Variants in DNAH14 observed in about 807,000 individuals in gnomAD.
DNAH14 encodes dynein axonemal heavy chain 14.
Under a neutral mutation model 520.9 loss-of-function variants are expected in DNAH14, and 478 were observed. The observed-to-expected ratio is 0.92, with a 90% CI of 0.85 to 0.99. The LOEUF is 0.99. DNAH14 is among the 50% of genes least tolerant of loss of function. The pLI, the probability that DNAH14 is intolerant of heterozygous loss-of-function variation, is 0.00. For missense variants in DNAH14, 4,831 were observed against 5,234.5 expected (o/e 0.92, Z 2.38); for synonymous variants, 1,581 against 1,757.2 (o/e 0.90, Z 2.51).
chr1:225,212,616 T>C (rs2088610867), intron 41 of DNAH14, among the ~76,000 whole-genome samples: 1 of 152,200 alleles, frequency 6.6e-6, no homozygotes, highest in Non-Finnish European at 1.5e-5. Context: ...TGTGAGGTGG[T>C]ATCTCATTGT....
intron 27 of DNAH14, among the ~76,000 whole-genome samples, chr1:225,127,119 T>C (rs552073274): frequency 6.6e-6 from 1 of 152,184 alleles, no homozygotes; most frequent in Non-Finnish European, 1.5e-5. Context: ...AGGAGAGCTT[T>C]ACTTCCAACT....
At chr1:224,934,286 A>G (rs2058886198) in intron 1 of DNAH14, among the ~76,000 whole-genome samples, 1 of 152,004 alleles carries the variant, frequency 6.6e-6, no homozygotes, top group African/African-American at 2.4e-5. Context: ...AATAAATCAG[A>G]AGAATAATTT....
At chr1:225,319,252 G>A (rs566263959) in intron 61 of DNAH14, among the ~76,000 whole-genome samples, 9 of 152,128 alleles carry the variant, frequency 5.9e-5, no homozygotes, top group Non-Finnish European at 1.2e-4. Context: ...TGATTGAAGA[G>A]AATACATAAG....
rs560017215 is a variant in DNAH14 at position 225,224,967 on chromosome 1, G to A, written c.6440-6106G>A. ...CAGCAATTGCTGGGTCAACGTACAC[G>A]TCCTATTTTTATCACACATATTGGA... On this transcript the variant is annotated intron_variant, in intron 41 of 85. Coordinates refer to ENST00000682510, the MANE Select transcript of DNAH14 (RefSeq NM_001367479.1). Among the ~76,000 whole-genome samples, 4 of 152,198 alleles carry A rather than the reference G, an allele frequency of 2.6e-5. No individual in the cohort carries two copies. The South Asian group carries it at 6.2e-4, about 24-fold the overall frequency.
At chr1:225,216,818 A>G (rs1231810250) in intron 41 of DNAH14, among the ~76,000 whole-genome samples, 1 of 152,130 alleles carries the variant, frequency 6.6e-6, no homozygotes, top group Non-Finnish European at 1.5e-5. Context: ...CAAGGTTTTT[A>G]GCTTCTTTGC....
chr1:225,296,194 C>T (rs1197464410), intron 55 of DNAH14, among the ~76,000 whole-genome samples: 1 of 151,946 alleles, frequency 6.6e-6, no homozygotes, highest in Non-Finnish European at 1.5e-5. Context: ...TCCATTCAGC[C>T]AGTCTTGTTT....
chr1:225,331,633 C>T, intron 65 of DNAH14, 56 bp downstream of exon 65: 1 of 1,545,906 alleles, frequency 6.5e-7, no homozygotes, highest in Non-Finnish European at 8.7e-7. Context: ...GCCCAACAAC[C>T]CCCAAGATGT....
chr1:225,062,999 G>T (rs1451756340), intron 17 of DNAH14, among the ~76,000 whole-genome samples: 2 of 151,076 alleles, frequency 1.3e-5, no homozygotes, highest in Non-Finnish European at 3.0e-5. Context: ...ACAACTAAGA[G>T]AAAAAAAATA....
intron 53 of DNAH14, 58 bp from the exon 54 acceptor site, chr1:225,277,352 T>A: frequency 2.3e-6 from 1 of 439,256 alleles, no homozygotes; most frequent in Non-Finnish European, 4.8e-6. Context: ...AAAACCACAA[T>A]GCACGTTTGA....
intron 41 of DNAH14, among the ~76,000 whole-genome samples, chr1:225,211,105 G>C (rs951305474): frequency 1.3e-5 from 2 of 152,208 alleles, no homozygotes; most frequent in African/African-American, 2.4e-5. Context: ...CTCCTCCAAA[G>C]GATTACAATT....
In DNAH14 at chr1:225,335,358, T is replaced by C. The variant is rs1304169526; in HGVS notation, c.10080+1852T>C. Among the ~76,000 whole-genome samples the C allele has an allele frequency of 3.1e-4, 20 of 63,804 alleles. 2 individuals carry two copies. Among genetic ancestry groups the C allele is most frequent in the Non-Finnish European group, 2.2e-4 (7 of 31,592 alleles). The allele number at this position is 63,804 out of a possible 152,430, so 41.9% of individuals were successfully genotyped here. A position where few individuals can be genotyped will look rare whatever the true frequency, so the allele number is the denominator to read the frequency against. Reference sequence around the variant, plus strand: ...GTGTACATGTGTGTGTATATGCATATACACGTGTACATGTGTGTGTATATG... The same window carrying C: ...GTGTACATGTGTGTGTATATGCATACACACGTGTACATGTGTGTGTATATG... On this transcript the variant is annotated intron_variant, in intron 66 of 85. Coordinates refer to ENST00000682510, the MANE Select transcript of DNAH14 (RefSeq NM_001367479.1).
At chr1:225,029,243 G>A (rs2066358943) in intron 11 of DNAH14, among the ~76,000 whole-genome samples, 1 of 151,984 alleles carries the variant, frequency 6.6e-6, no homozygotes, top group Admixed American at 6.6e-5. Flanking sequence ...CAGAAATCAA[G>A]TCAGTGATTG....
At chr1:225,096,603 A>G (rs896497194) in intron 21 of DNAH14, among the ~76,000 whole-genome samples, 2 of 152,222 alleles carry the variant, frequency 1.3e-5, no homozygotes, top group Admixed American at 6.5e-5. Flanking sequence ...AAGAAGACGT[A>G]TAAGTACTGA....
chr1:225,335,290 C>A (rs528597703), intron 66 of DNAH14, among the ~76,000 whole-genome samples: 1 of 97,240 alleles, frequency 1.0e-5, no homozygotes, highest in African/African-American at 4.0e-5. Context: ...TGTATATGCA[C>A]ATATACACAT....
rs1422573349 is a variant in DNAH14, at chr1:225,338,159, G to C, written c.10410G>C (p.Glu3470Asp). 6.4e-7 allele frequency: 1 copy of C among 1,551,758 alleles called. No homozygotes were observed. Among genetic ancestry groups the C allele is most frequent in the Admixed American group, 2.0e-5 (1 of 50,956 alleles). Residue 3470 changes from glutamate to aspartate, a missense_variant, in exon 68 of 86, where the codon GAG becomes GAC. Physicochemically the swap from Glu to Asp is conservative, Grantham distance 45. Coordinates refer to ENST00000682510, the MANE Select transcript of DNAH14 (RefSeq NM_001367479.1). ...ATTTCATAAGGGTTGGTGATGCTGAGTTCGAATACAATTCAAATTTTAGGT... is the reference window on the plus strand; with the variant it reads ...ATTTCATAAGGGTTGGTGATGCTGACTTCGAATACAATTCAAATTTTAGGT... ...GHYFIRVGDA[E>D]FEYNSNFRLY...
At chr1:225,294,055 G>T (rs146865308) in intron 55 of DNAH14, among the ~76,000 whole-genome samples, 1 of 152,224 alleles carries the variant, frequency 6.6e-6, no homozygotes, top group African/African-American at 2.4e-5. Flanking sequence ...TCCCTATTCA[G>T]TATGATGTTA....
Position 225,303,159 on chromosome 1 carries a change from A to G in DNAH14, c.8635A>G (p.Ile2879Val). ...QSLLSFFQKR[I>V]YKNLHIFVIM... ...TTATATTTTCATTAATTTTCAGAGA[A>G]TATATAAAAATCTTCATATTTTTGT... The change falls in exon 57 of 86, where the codon ATA (isoleucine) becomes GTA (valine). Residue 2879 changes from isoleucine (I) to valine (V), a missense_variant. By Grantham distance (29) the Ile-to-Val change is conservative. Transcript: ENST00000682510. 1 of 1,470,384 alleles carries G rather than the reference A, an allele frequency of 6.8e-7. No homozygotes were observed. Among genetic ancestry groups the G allele is most frequent in the Non-Finnish European group, 9.0e-7 (1 of 1,105,076 alleles). The allele number at this position is 1,470,384 out of a possible 1,614,324, so 91.1% of individuals were successfully genotyped here.
At chr1:225,082,835 A>T (rs1427218512) in intron 20 of DNAH14, 96 bp downstream of exon 20, 17 of 1,052,936 alleles carry the variant, frequency 1.6e-5, no homozygotes, top group Non-Finnish European at 2.3e-5. Context: ...GAATTAGGAA[A>T]GGAAGTTTAT....
intron 73 of DNAH14, among the ~76,000 whole-genome samples, chr1:225,356,259 T>C (rs181634927): frequency 5.9e-5 from 9 of 152,340 alleles, no homozygotes; most frequent in Admixed American, 3.3e-4. Flanking sequence ...TCCAGATTTC[T>C]GGCCTTAGGC....
Sources: allele counts gnomAD v4.1 joint callset (sites outside exome capture counted in the v4.1 genomes callset), GRCh38; gene constraint gnomAD v4.1.1; transcripts MANE v1.5; gene names NCBI Gene and HGNC (gene_info 2026-07-23, HGNC 2026-07-21).